SLC10A7: variants seen among roughly 807,000 people sequenced by gnomAD.
SLC10A7 encodes the protein solute carrier family 10 member 7, also known as sodium/bile acid cotransporter 7.
A neutral mutation model predicts 43.2 loss-of-function variants in SLC10A7; 29 were observed. The ratio of observed to expected loss-of-function variants is 0.67; its 90% CI spans 0.50 to 0.92. The LOEUF (loss-of-function observed/expected upper bound fraction) is 0.92. SLC10A7 is among the 40% of genes least tolerant of loss of function. The pLI, the probability that SLC10A7 is intolerant of heterozygous loss-of-function variation, is 0.00. For synonymous variants in SLC10A7, 152 were observed against 144.8 expected (o/e 1.05, Z -0.35); for missense variants, 295 against 403.2 (o/e 0.73, Z 2.30).
At chr4:146,388,394 T>C (rs553534976) in intron 5 of SLC10A7, among the ~76,000 whole-genome samples, 1 of 152,272 alleles carries the variant, frequency 6.6e-6, no homozygotes, top group East Asian at 1.9e-4. Context: ...ACTGGACCCA[T>C]ATCTCTCACC....
intron 5 of SLC10A7, among the ~76,000 whole-genome samples, chr4:146,327,503 A>T (rs1353368379): frequency 1.3e-5 from 2 of 152,178 alleles, no homozygotes; most frequent in African/African-American, 4.8e-5. Context: ...AGGAATTCCA[A>T]ATTTTACAGG....
At chr4:146,347,605 T>C (rs945057632) in intron 5 of SLC10A7, among the ~76,000 whole-genome samples, 6 of 152,198 alleles carry the variant, frequency 3.9e-5, no homozygotes, top group African/African-American at 1.4e-4. Context: ...TGTATTACTA[T>C]AGTGAACTTA....
At chr4:146,367,611 G>T (rs559209591) in intron 5 of SLC10A7, among the ~76,000 whole-genome samples, 1 of 151,990 alleles carries the variant, frequency 6.6e-6, no homozygotes, top group African/African-American at 2.4e-5. Context: ...AATTTAAGAG[G>T]TCTTTTCTAA....
intron 5 of SLC10A7, among the ~76,000 whole-genome samples, chr4:146,377,045 G>A (rs1209442671): frequency 2.0e-5 from 3 of 152,000 alleles, no homozygotes; most frequent in African/African-American, 7.3e-5. Flanking sequence ...AAGCATGCCA[G>A]GGCAAATATT....
chr4:146,361,745 G>A (rs60404214), intron 5 of SLC10A7, among the ~76,000 whole-genome samples: 1,666 of 152,178 alleles, frequency 0.011, 25 homozygotes, highest in African/African-American at 0.038. Flanking sequence ...ACTAAATAAG[G>A]CACCAGTGAC....
At chr4:146,482,222 A>C (rs1734539199) in intron 4 of SLC10A7, among the ~76,000 whole-genome samples, 1 of 152,230 alleles carries the variant, frequency 6.6e-6, no homozygotes. Context: ...ATAAGGAAGA[A>C]TGATACCACC....
intron 5 of SLC10A7, among the ~76,000 whole-genome samples, chr4:146,341,714 G>A (rs780622196): frequency 1.3e-5 from 2 of 151,834 alleles, no homozygotes; most frequent in Non-Finnish European, 3.0e-5. Flanking sequence ...GGGCTTACAT[G>A]TTCTATTAAA....
intron 10 of SLC10A7, among the ~76,000 whole-genome samples, chr4:146,263,932 C>A (rs1728390795): frequency 6.6e-6 from 1 of 152,222 alleles, no homozygotes; most frequent in Admixed American, 6.5e-5. Flanking sequence ...ACTTTCTCAG[C>A]ACATTACTAC....
chr4:146,391,519 C>A (rs933383080), intron 5 of SLC10A7, among the ~76,000 whole-genome samples: 4 of 152,154 alleles, frequency 2.6e-5, no homozygotes, highest in Non-Finnish European at 5.9e-5. Context: ...GTACCTCAGC[C>A]CCTCAGTTTT....
chr4:146,274,753 T>C (rs1485699948), intron 10 of SLC10A7, among the ~76,000 whole-genome samples: 1 of 152,310 alleles, frequency 6.6e-6, no homozygotes, highest in Middle Eastern at 3.4e-3. Context: ...GCCTACTGCA[T>C]TTGTTTTAAA....
At chr4:146,485,746 G>A (rs1354232124) in intron 4 of SLC10A7, among the ~76,000 whole-genome samples, 1 of 152,180 alleles carries the variant, frequency 6.6e-6, no homozygotes, top group Non-Finnish European at 1.5e-5. Context: ...GATGATGACA[G>A]TCATAAGGAT....
intron 7 of SLC10A7, among the ~76,000 whole-genome samples, chr4:146,304,107 T>A (rs1439864450): frequency 2.0e-5 from 1 of 48,810 alleles, no homozygotes; most frequent in African/African-American, 8.2e-5. Context: ...TGTATGCTTA[T>A]ATGCTTACTA....
rs79835712 is a variant in SLC10A7 at position 146,273,615 on chromosome 4, T to G, written c.847+9577A>C. Among the ~76,000 whole-genome samples, 1,342 of 152,236 alleles carry G rather than the reference T, an allele frequency of 8.8e-3. 25 individuals are homozygous for G. The highest frequency in any genetic ancestry group is 0.03 in the African/African-American group (1,257 of 41,514). On this transcript the variant is annotated intron_variant, in intron 10 of 11. Coordinates refer to ENST00000335472, the MANE Select transcript of SLC10A7 (RefSeq NM_001029998.6). ...AAATGATAGCTATTAGGATTATTAT[T>G]GTTGCTGTTGTTGTTATTATTATTA...
intron 4 of SLC10A7, among the ~76,000 whole-genome samples, chr4:146,492,947 G>A (rs532693065): frequency 6.6e-6 from 1 of 152,204 alleles, no homozygotes; most frequent in South Asian, 2.1e-4. Context: ...GCTAGTTAGG[G>A]ATGGGGCCAA....
At chr4:146,354,079 G>A (rs1735363370) in intron 5 of SLC10A7, among the ~76,000 whole-genome samples, 1 of 147,728 alleles carries the variant, frequency 6.8e-6, no homozygotes, top group Non-Finnish European at 1.5e-5. Context: ...ATTCAATTAG[G>A]AAAAGAGGAA....
chr4:146,401,471 C>T (rs1739220955), intron 5 of SLC10A7, among the ~76,000 whole-genome samples: 1 of 152,280 alleles, frequency 6.6e-6, no homozygotes, highest in African/African-American at 2.4e-5. Flanking sequence ...TTTCCCAATG[C>T]CCAGGAGACC....
At chr4:146,499,807 C>T (rs1736231695) in intron 4 of SLC10A7, among the ~76,000 whole-genome samples, 1 of 152,162 alleles carries the variant, frequency 6.6e-6, no homozygotes, top group African/African-American at 2.4e-5. Flanking sequence ...CTAAATTCCA[C>T]ATTATTAACG....
At chr4:146,316,390 C>T (rs1246801548) in intron 6 of SLC10A7, among the ~76,000 whole-genome samples, 1 of 151,266 alleles carries the variant, frequency 6.6e-6, no homozygotes, top group Non-Finnish European at 1.5e-5. Context: ...TGATTAGGTC[C>T]TGAGGGTGGA....
chr4:146,329,322 G>C (rs1490201291), intron 5 of SLC10A7, among the ~76,000 whole-genome samples: 1 of 152,170 alleles, frequency 6.6e-6, no homozygotes, highest in Non-Finnish European at 1.5e-5. Flanking sequence ...ACTTTGAGAA[G>C]AGCACCATAA....
Sources: gnomAD v4.1 joint callset for allele counts (sites outside exome capture counted in the v4.1 genomes callset) on GRCh38, gnomAD v4.1.1 for gene constraint, MANE v1.5 for transcripts, NCBI Gene and HGNC (gene_info 2026-07-23, HGNC 2026-07-21) for gene names.